The following HELQ variants were observed in gnomAD, a reference collection of about 807,000 sequenced individuals.
The protein encoded by HELQ is helicase, POLQ like.
Under a neutral mutation model 111.6 loss-of-function variants are expected in HELQ, and 77 were observed. The observed-to-expected ratio is 0.69, with a 90% CI of 0.57 to 0.83. HELQ has a LOEUF of 0.83. HELQ is among the 40% of genes least tolerant of loss of function. The probability of loss-of-function intolerance (pLI) is 0.00; values close to 1 mark genes in which losing one functional copy is unlikely to be tolerated. For synonymous variants in HELQ, 438 were observed against 454.7 expected (o/e 0.96, Z 0.47); for missense variants, 1,200 against 1,288.5 (o/e 0.93, Z 1.05).
chr4:83,450,249 A>C, intron 2 of HELQ, among the ~76,000 whole-genome samples: 1 of 144,338 alleles, frequency 6.9e-6, no homozygotes, highest in African/African-American at 2.7e-5. Context: ...AAAAAAAAAA[A>C]AAAAAGCAGA....
chr4:83,433,731 C>A (rs1302458123), intron 9 of HELQ, among the ~76,000 whole-genome samples: 1 of 147,386 alleles, frequency 6.8e-6, no homozygotes, highest in Non-Finnish European at 1.5e-5. Flanking sequence ...GCCTGTAAAT[C>A]CCAGCACTTT....
In HELQ at chr4:83,451,663, C is replaced by CA. The variant is rs1388595459; in HGVS notation, c.1012+1567dup. ...CTGGGCAACACGCGAGACTCCGTCT[C>CA]AAAAAAAAACAAAAAAACAAAAACA... On this transcript the variant is annotated intron_variant, in intron 2 of 17. Transcript: ENST00000295488. Among the ~76,000 whole-genome samples the CA allele has an allele frequency of 9.3e-4, 122 of 130,544 alleles. 2 individuals are homozygous for CA. The highest frequency in any genetic ancestry group is 3.8e-3 in the African/African-American group (95 of 25,156). The allele number at this position is 130,544 out of a possible 152,430, so 85.6% of individuals were successfully genotyped here. A position where few individuals can be genotyped will look rare whatever the true frequency, so the allele number is the denominator to read the frequency against.
chr4:83,450,203 T>C (rs75445575), intron 2 of HELQ, among the ~76,000 whole-genome samples: 1,331 of 122,204 alleles, frequency 0.011, 15 homozygotes, highest in African/African-American at 0.037. Context: ...TCTATGTATG[T>C]TCAATATACA....
chr4:83,448,646 G>T, intron 3 of HELQ, 137 bp downstream of exon 3: 1 of 697,376 alleles, frequency 1.4e-6, no homozygotes, highest in Non-Finnish European at 2.3e-6. Context: ...CTCCAACCTG[G>T]GTGACAGAGC....
intron 8 of HELQ, 92 bp downstream of exon 8, chr4:83,439,771 A>C: frequency 1.2e-6 from 1 of 830,878 alleles, no homozygotes; most frequent in Non-Finnish European, 1.9e-6. Flanking sequence ...GATGTTTTGC[A>C]AGGCATAATT....
chr4:83,426,769 T>C (rs1719874365), intron 13 of HELQ, among the ~76,000 whole-genome samples: 2 of 152,260 alleles, frequency 1.3e-5, no homozygotes, highest in East Asian at 3.9e-4. Context: ...TTTCACCGTG[T>C]TGCCCAGGCT....
intron 16 of HELQ, among the ~76,000 whole-genome samples, 176 bp downstream of exon 16, chr4:83,417,917 G>A (rs987266099): frequency 9.2e-5 from 14 of 151,856 alleles, no homozygotes; most frequent in Admixed American, 1.3e-4. Context: ...TCTAGTAACA[G>A]CGGATTTCTG....
At position 83,455,558 on chromosome 4, in the gene HELQ, T is replaced by C. The variant is rs147685170; in HGVS notation, c.136A>G (p.Met46Val). The C allele has an allele frequency of 8.9e-5, 143 of 1,613,988 alleles. No homozygotes were observed. In the African/African-American group the frequency reaches 1.2e-3, roughly 14 times the overall value. The change falls in exon 1 of 18, where the codon ATG becomes GTG. Residue 46 changes from methionine to valine, a missense_variant. Met to Val is a conservative substitution (Grantham distance 21). This residue lies in a region of HELQ where 610 missense variants were observed against 607.1 expected (regional missense o/e 1.00). Coordinates refer to ENST00000295488, the MANE Select transcript of HELQ (RefSeq NM_133636.5). ...TTCCGCCTCCTGTTCTCAGCCACCA[T>C]TTCCTCCTCCTCTTTCCCCTCATCT... ...PGDEGKEEEEMVAENRRRKTA... is the reference protein window; with the variant it reads ...PGDEGKEEEEVVAENRRRKTA...
intron 15 of HELQ, among the ~76,000 whole-genome samples, chr4:83,419,953 G>C (rs1739581468): frequency 6.6e-6 from 1 of 151,998 alleles, no homozygotes; most frequent in African/African-American, 2.4e-5. Flanking sequence ...TACATATACA[G>C]AATATGAAGG....
chr4:83,432,410 G>A, intron 9 of HELQ, 143 bp from the exon 10 acceptor site: 1 of 485,914 alleles, frequency 2.1e-6, no homozygotes, highest in South Asian at 8.6e-5. Context: ...AAGAATCTAT[G>A]ATTTCTTAGG....
At chr4:83,413,532 CA>C (rs1739213090) in intron 17 of HELQ, among the ~76,000 whole-genome samples, 1 of 152,086 alleles carries the variant, frequency 6.6e-6, no homozygotes, top group Non-Finnish European at 1.5e-5. Flanking sequence ...AATTTGTGAC[CA>C]GAGGGCAGAT....
Position 83,426,071 on chromosome 4 carries a change from C to T in HELQ, c.2698G>A (p.Glu900Lys), listed in dbSNP as rs1168616033. The change falls in exon 14 of 18, where the codon GAA (glutamate) becomes AAA (lysine). Residue 900 changes from glutamate (E) to lysine (K), a missense_variant. Glu to Lys is a moderately conservative substitution (Grantham distance 56, BLOSUM62 1). Transcript: ENST00000295488. The stretch of plus-strand genomic sequence containing the variant: ...CCAAGAATGGCAGCTACATTTTGTT[C>T]TGCTGGACTGAGTTGGCTAAACTAC... ...FRQFSQLSPAEQNVAAILGVS... is the reference protein window; with the variant it reads ...FRQFSQLSPAKQNVAAILGVS... The T allele has an allele frequency of 3.7e-6, 6 of 1,605,622 alleles. No homozygotes were observed. Among genetic ancestry groups the T allele is most frequent in the Non-Finnish European group, 5.1e-6 (6 of 1,173,590 alleles).
Position 83,439,866 on chromosome 4 carries a change from C to T in HELQ, c.1805G>A (p.Ser602Asn), listed in dbSNP as rs915886092. 24 of 1,566,146 alleles carry T rather than the reference C, an allele frequency of 1.5e-5. No homozygotes were observed. Among genetic ancestry groups the T allele is most frequent in the Non-Finnish European group, 1.9e-5 (22 of 1,142,112 alleles). Residue 602 changes from serine (S) to asparagine (N), a missense_variant, in exon 8 of 18, where the codon AGC (serine) becomes AAC (asparagine). This residue lies in a region of HELQ where 585 missense variants were observed against 665.3 expected (regional missense o/e 0.88). Coordinates refer to ENST00000295488, the MANE Select transcript of HELQ (RefSeq NM_133636.5). The part of the protein sequence containing the change: ...NVAEMICKFL[S>N]KEYLKHKEKE... ...TATTTAAAAAATATTAACATACTTG[C>T]TTAAAAATTTGCATATCATTTCTGC...
intron 16 of HELQ, among the ~76,000 whole-genome samples, chr4:83,417,352 G>A (rs1009252124): frequency 1.3e-5 from 2 of 151,920 alleles, no homozygotes; most frequent in African/African-American, 2.4e-5. Flanking sequence ...ACAGGCGCAC[G>A]ACACCATACT....
intron 12 of HELQ, 29 bp downstream of exon 12, chr4:83,429,495 T>C (rs1453810896): frequency 6.4e-6 from 9 of 1,414,908 alleles, no homozygotes; most frequent in Non-Finnish European, 8.9e-6. Flanking sequence ...GTGTTTCCTA[T>C]GATCAATAAG....
intron 5 of HELQ, among the ~76,000 whole-genome samples, chr4:83,444,426 G>C (rs1466077972): frequency 1.3e-5 from 2 of 152,014 alleles, no homozygotes; most frequent in East Asian, 3.9e-4. Context: ...TGTTGCCCAG[G>C]CTGGAGTGCA....
chr4:83,426,920 T>G (rs76868853), intron 13 of HELQ, among the ~76,000 whole-genome samples: 1,768 of 152,338 alleles, frequency 0.012, 29 homozygotes, highest in African/African-American at 0.041. Context: ...ATATACTGTA[T>G]GTTACCACTT....
rs1402737615 is a variant in HELQ, at chr4:83,407,621, T to C, written c.3199-61A>G. 7.1e-6 allele frequency: 7 copies of C among 989,894 alleles called. No individual in the cohort carries two copies. The East Asian group carries it at 1.7e-4, about 24-fold the overall frequency. 61.3% of individuals were successfully genotyped at this position (989,894 alleles called of 1,614,324 possible). A position where few individuals can be genotyped will look rare whatever the true frequency, so the allele number is the denominator to read the frequency against. ...GCATTGCTAGAGAATTGCCAACAAT[T>C]TTACCACTGTCCATTGAACACCTGA... is the stretch of plus-strand genomic sequence containing the variant. On this transcript the variant is annotated intron_variant, in intron 17 of 17. Coordinates refer to ENST00000295488, the MANE Select transcript of HELQ (RefSeq NM_133636.5).
intron 4 of HELQ, among the ~76,000 whole-genome samples, chr4:83,446,296 A>AT (rs1165307944): frequency 6.8e-6 from 1 of 147,270 alleles, no homozygotes; most frequent in African/African-American, 2.5e-5. Context: ...TCTGGGATTC[A>AT]TAAGTACTAC....
Sources: allele counts gnomAD v4.1 joint callset (sites outside exome capture counted in the v4.1 genomes callset), GRCh38; gene constraint gnomAD v4.1.1; regional missense constraint gnomAD v4.1.1; transcripts MANE v1.5; gene names NCBI Gene and HGNC (gene_info 2026-07-23, HGNC 2026-07-21).